Variants in CNTNAP3B observed in about 807,000 individuals in gnomAD.
CNTNAP3B encodes the protein contactin-associated protein-like 3B.
Under a neutral mutation model 108.9 loss-of-function variants are expected in CNTNAP3B, and 25 were observed. That is an observed-to-expected ratio of 0.23 (90% CI 0.17 to 0.32). CNTNAP3B has a LOEUF of 0.32. Ranked by LOEUF, CNTNAP3B falls within the 10% of genes least tolerant of loss-of-function variation. The pLI is 1.00. For synonymous variants in CNTNAP3B, 103 were observed against 473.4 expected (o/e 0.22, Z 10.16); for missense variants, 252 against 1,210.4 (o/e 0.21, Z 11.75).
intron 3 of CNTNAP3B, among the ~76,000 whole-genome samples, chr9:42,041,830 C>A (rs1826765516): frequency 6.9e-6 from 1 of 144,160 alleles, no homozygotes. Context: ...AGACTTGGAA[C>A]CAACCCAAAT....
At chr9:41,917,359 G>T (rs1354615666) in intron 18 of CNTNAP3B, among the ~76,000 whole-genome samples, 1 of 140,624 alleles carries the variant, frequency 7.1e-6, no homozygotes, top group Non-Finnish European at 1.5e-5. Context: ...TCTCTTAATT[G>T]CTTACTGCCA....
chr9:42,113,044 C>T lies in CNTNAP3B; in HGVS notation c.86-8305G>A, dbSNP rs1471981709. Among the ~76,000 whole-genome samples, 2 of 134,000 alleles carry T rather than the reference C, an allele frequency of 1.5e-5. 1 individual carries two copies. The highest frequency in any genetic ancestry group is 6.0e-5 in the African/African-American group (2 of 33,280). The allele number at this position is 134,000 out of a possible 152,430, so 87.9% of individuals were successfully genotyped here. On this transcript the variant is annotated intron_variant, in intron 1 of 23. Transcript: ENST00000377561. ...TGCTGGGATTACAGGCGTGAGCCAC[C>T]ATGCCCGGTCAAGTTTACATAAATT... is the stretch of plus-strand genomic sequence containing the variant.
chr9:41,995,991 G>A lies in CNTNAP3B; in HGVS notation c.1071+214C>T, dbSNP rs1825892665. Among the ~76,000 whole-genome samples the A allele has an allele frequency of 2.1e-5, 3 of 144,082 alleles. No homozygotes were observed. The South Asian group carries it at 6.7e-4, about 32-fold the overall frequency. 94.5% of individuals were successfully genotyped at this position (144,082 alleles called of 152,430 possible). A position where few individuals can be genotyped will look rare whatever the true frequency, so the allele number is the denominator to read the frequency against. Reference sequence around the variant, plus strand: ...GCGTAAGCTGCAGTAAGCTGAGATTGCGCCGCTGCACTCCAACCTGGGAGA... The same window carrying A: ...GCGTAAGCTGCAGTAAGCTGAGATTACGCCGCTGCACTCCAACCTGGGAGA... On this transcript the variant is annotated intron_variant, in intron 7 of 23. Transcript: ENST00000377561.
Position 42,012,015 on chromosome 9 carries a change from C to T in CNTNAP3B, c.538+1363G>A, listed in dbSNP as rs1192828070. On this transcript the variant is annotated intron_variant, in intron 4 of 23. Coordinates refer to ENST00000377561, the MANE Select transcript of CNTNAP3B (RefSeq NM_001201380.3). ...AGCAGATTGCATGGCAGCTGCACCG[C>T]CCACCGGCCCTTCCTGGAATCAGGC... Among the ~76,000 whole-genome samples, 2 of 97,890 alleles carry T rather than the reference C, an allele frequency of 2.0e-5. 1 individual carries two copies. The highest frequency in any genetic ancestry group is 2.1e-4 in the Admixed American group (2 of 9,578). The allele number at this position is 97,890 out of a possible 152,430, so 64.2% of individuals were successfully genotyped here.
At chr9:41,976,981 A>G (rs1244111865) in intron 9 of CNTNAP3B, among the ~76,000 whole-genome samples, 1 of 143,562 alleles carries the variant, frequency 7.0e-6, no homozygotes, top group Admixed American at 6.9e-5. Flanking sequence ...TCTAAAAGCA[A>G]AAATGAAAAT....
intron 18 of CNTNAP3B, among the ~76,000 whole-genome samples, chr9:41,917,379 TAC>T (rs1588037389): frequency 7.1e-6 from 1 of 141,242 alleles, no homozygotes; most frequent in East Asian, 2.0e-4. Flanking sequence ...AATATCTTCA[TAC>T]CACTAGCTTA....
chr9:42,041,751 G>T (rs965867466), intron 3 of CNTNAP3B, among the ~76,000 whole-genome samples: 1 of 138,646 alleles, frequency 7.2e-6, no homozygotes, highest in African/African-American at 2.9e-5. Flanking sequence ...TATACCCAGA[G>T]GATTATAAAT....
At chr9:41,940,981 G>T (rs1243071665) in intron 13 of CNTNAP3B, among the ~76,000 whole-genome samples, 1 of 152,156 alleles carries the variant, frequency 6.6e-6, no homozygotes, top group Non-Finnish European at 1.5e-5. Context: ...AAGAAATATG[G>T]ATAAATATAA....
At chr9:41,962,736 A>G (rs1462125693) in intron 11 of CNTNAP3B, among the ~76,000 whole-genome samples, 1 of 151,246 alleles carries the variant, frequency 6.6e-6, no homozygotes, top group Non-Finnish European at 1.5e-5. Context: ...CAGGTGGATC[A>G]CAAGGTCAGG....
rs1554756815 is a variant in CNTNAP3B, at chr9:42,107,985, A to AG, written c.86-3247_86-3246insC. Among the ~76,000 whole-genome samples the AG allele has an allele frequency of 1.5e-5, 2 of 134,220 alleles. 1 individual carries two copies. Among genetic ancestry groups the AG allele is most frequent in the African/African-American group, 6.0e-5 (2 of 33,482 alleles). 88.1% of individuals were successfully genotyped at this position (134,220 alleles called of 152,430 possible). On this transcript the variant is annotated intron_variant, in intron 1 of 23. Coordinates refer to ENST00000377561, the MANE Select transcript of CNTNAP3B (RefSeq NM_001201380.3). Reference sequence around the variant, plus strand: ...GAAAGACTCCGTCTTAAAAAAAAAAAAAAGAAAGAAAGAAAGGCACTAAAT... The same window carrying AG: ...GAAAGACTCCGTCTTAAAAAAAAAAAGAAAGAAAGAAAGAAAGGCACTAAAT...
chr9:42,003,123 A>T (rs1826033670), intron 4 of CNTNAP3B, among the ~76,000 whole-genome samples: 1 of 138,750 alleles, frequency 7.2e-6, no homozygotes, highest in Non-Finnish European at 1.6e-5. Flanking sequence ...TCCTGGGCTC[A>T]AGCAATCTGC....
chr9:42,114,856 C>T lies in CNTNAP3B; in HGVS notation c.86-10117G>A, dbSNP rs1252592665. 1.2e-4 allele frequency among the ~76,000 whole-genome samples: 17 copies of T among 136,268 alleles called. 1 individual carries two copies. Among genetic ancestry groups the T allele is most frequent in the South Asian group, 7.2e-4 (3 of 4,152 alleles). The allele number at this position is 136,268 out of a possible 152,430, so 89.4% of individuals were successfully genotyped here. On this transcript the variant is annotated intron_variant, in intron 1 of 23. Transcript: ENST00000377561. ...GGATCACAAGGTCAGGAGTTTGAGA[C>T]GAGCCTGGCCAACATGGTGAAACTC...
At chr9:41,937,148 G>T (rs1190436948) in intron 14 of CNTNAP3B, among the ~76,000 whole-genome samples, 1 of 75,516 alleles carries the variant, frequency 1.3e-5, no homozygotes. Flanking sequence ...ATTATTTTGA[G>T]GTGGAGTCTT....
intron 3 of CNTNAP3B, among the ~76,000 whole-genome samples, chr9:42,054,519 C>A (rs1206429079): frequency 6.6e-6 from 1 of 151,850 alleles, no homozygotes; most frequent in Non-Finnish European, 1.5e-5. Flanking sequence ...TGTTGAGCAC[C>A]TTGTACTTGG....
chr9:41,934,202 TAC>T lies in CNTNAP3B; in HGVS notation c.2237+4040_2237+4041del, dbSNP rs1193693590. Among the ~76,000 whole-genome samples, 6 of 115,374 alleles carry T rather than the reference TAC, an allele frequency of 5.2e-5. No homozygotes were observed. The East Asian group carries it at 9.0e-4, about 17-fold the overall frequency. 75.7% of individuals were successfully genotyped at this position (115,374 alleles called of 152,430 possible). A position where few individuals can be genotyped will look rare whatever the true frequency, so the allele number is the denominator to read the frequency against. On this transcript the variant is annotated intron_variant, in intron 14 of 23. Coordinates refer to ENST00000377561, the MANE Select transcript of CNTNAP3B (RefSeq NM_001201380.3). ...ACACACACACACATATATATATACA[TAC>T]ACACACACACATACTTTTTTTTTTT...
intron 14 of CNTNAP3B, among the ~76,000 whole-genome samples, chr9:41,933,216 T>C (rs1298643307): frequency 1.3e-5 from 2 of 152,244 alleles, no homozygotes; most frequent in Non-Finnish European, 2.9e-5. Context: ...GGGCTAATTT[T>C]TTTTTGTCAT....
At chr9:42,088,602 T>A (rs1827753099) in intron 2 of CNTNAP3B, among the ~76,000 whole-genome samples, 1 of 139,220 alleles carries the variant, frequency 7.2e-6, no homozygotes, top group Non-Finnish European at 1.5e-5. Context: ...TTGATGCTAT[T>A]TTGTTTGGCC....
intron 3 of CNTNAP3B, among the ~76,000 whole-genome samples, chr9:42,036,725 T>C (rs1826639905): frequency 7.2e-6 from 1 of 138,766 alleles, no homozygotes; most frequent in Non-Finnish European, 1.5e-5. Flanking sequence ...GAATTTGAGA[T>C]CTGAGAATGT....
chr9:42,075,190 A>G (rs1265057234), intron 3 of CNTNAP3B, among the ~76,000 whole-genome samples: 2 of 145,854 alleles, frequency 1.4e-5, no homozygotes, highest in African/African-American at 2.7e-5. Flanking sequence ...TGATGAGGAC[A>G]CCAGTCATAT....
Sources: allele counts gnomAD v4.1 joint callset (sites outside exome capture counted in the v4.1 genomes callset), GRCh38; gene constraint gnomAD v4.1.1; transcripts MANE v1.5; gene names NCBI Gene and HGNC (gene_info 2026-07-23, HGNC 2026-07-21).